Variants in GPBP1 observed in about 807,000 individuals in gnomAD.
GPBP1 encodes GC-rich promoter binding protein 1.
GPBP1 carries 13 observed loss-of-function variants against 56.5 expected under a neutral mutation model. The ratio of observed to expected loss-of-function variants is 0.23; its 90% CI spans 0.15 to 0.37. The LOEUF (loss-of-function observed/expected upper bound fraction) is 0.37. Among genes scored for constraint, GPBP1 ranks in the 10% least tolerant of loss-of-function variants. The pLI, the probability that GPBP1 is intolerant of heterozygous loss-of-function variation, is 1.00. For missense variants in GPBP1, 477 were observed against 572.3 expected, an observed-to-expected ratio of 0.83 and a Z score of 1.70; for synonymous variants, 204 against 188.9, an observed-to-expected ratio of 1.08 and a Z score of -0.66.
intron 10 of GPBP1, among the ~76,000 whole-genome samples, chr5:57,255,897 G>A (rs926714756): frequency 6.6e-6 from 1 of 152,276 alleles, no homozygotes; most frequent in East Asian, 1.9e-4. Context: ...GACAGAATTT[G>A]GTTCTCTGTG....
At chr5:57,185,159 G>A (rs1452663194) in intron 2 of GPBP1, among the ~76,000 whole-genome samples, 1 of 151,988 alleles carries the variant, frequency 6.6e-6, no homozygotes, top group African/African-American at 2.4e-5. Flanking sequence ...AGAACTGCCC[G>A]GGTCATGTGA....
chr5:57,231,869 G>GA (rs1561359468), intron 5 of GPBP1, among the ~76,000 whole-genome samples: 3 of 152,168 alleles, frequency 2.0e-5, no homozygotes, highest in Non-Finnish European at 4.4e-5. Context: ...ATTTTGTAGT[G>GA]AATTTAGACA....
chr5:57,217,566 T>C (rs996751122), intron 3 of GPBP1, among the ~76,000 whole-genome samples: 1 of 151,780 alleles, frequency 6.6e-6, no homozygotes, highest in African/African-American at 2.4e-5. Context: ...AGTGAAATAC[T>C]GTCTCAAAAC....
chr5:57,217,915 C>T (rs1755767976), intron 3 of GPBP1, among the ~76,000 whole-genome samples: 1 of 151,990 alleles, frequency 6.6e-6, no homozygotes. Context: ...TTAAAAATAT[C>T]TTTCTCATAA....
In GPBP1 at chr5:57,261,230, G is replaced by A. The variant is rs749941746; in HGVS notation, c.1211G>A (p.Cys404Tyr). Residue 404 changes from cysteine (C) to tyrosine (Y), a missense_variant, in exon 11 of 12, where the codon TGT becomes TAT. Physicochemically the swap from Cys to Tyr is radical, Grantham distance 194. Transcript: ENST00000506184. ...WQEDSENDET[C>Y]APLTEDEMRE... ...GAAGACAGTGAAAATGATGAAACAT[G>A]TGCTCCCTTAACTGAGGATGAAATG... 3.1e-6 allele frequency: 5 copies of A among 1,613,268 alleles called. No individual in the cohort carries two copies. Among genetic ancestry groups the A allele is most frequent in the Admixed American group, 1.7e-5 (1 of 60,014 alleles).
intron 2 of GPBP1, among the ~76,000 whole-genome samples, chr5:57,192,582 C>T (rs1016852933): frequency 1.3e-5 from 2 of 151,402 alleles, no homozygotes; most frequent in Admixed American, 6.6e-5. Flanking sequence ...GGAGAAACTC[C>T]GTCTCTACTA....
At chr5:57,235,191 C>T (rs1411931937) in intron 5 of GPBP1, among the ~76,000 whole-genome samples, 1 of 151,982 alleles carries the variant, frequency 6.6e-6, no homozygotes, top group Non-Finnish European at 1.5e-5. Context: ...CCTGTAATCC[C>T]AGCTACTTGG....
In GPBP1 at chr5:57,233,885, T is replaced by C. The variant is rs968622962; in HGVS notation, c.412-2081T>C. Among the ~76,000 whole-genome samples the C allele has an allele frequency of 4.6e-5, 7 of 152,336 alleles. No homozygotes were observed. In the East Asian group the frequency reaches 1.3e-3, roughly 29 times the overall value. On this transcript the variant is annotated intron_variant, in intron 5 of 11. Transcript: ENST00000506184. ...GGTTAAATTAGTAATACAATTAAAT[T>C]ACTTAAAACTGTGTGTGACACATAG...
intron 5 of GPBP1, among the ~76,000 whole-genome samples, chr5:57,233,995 AT>A (rs1756565396): frequency 6.6e-6 from 1 of 152,176 alleles, no homozygotes; most frequent in South Asian, 2.1e-4. Context: ...GGCTATTATA[AT>A]CCTAGACTTG....
chr5:57,177,023 C>G (rs1192499168), intron 2 of GPBP1, among the ~76,000 whole-genome samples: 1 of 151,988 alleles, frequency 6.6e-6, no homozygotes, highest in Non-Finnish European at 1.5e-5. Flanking sequence ...TATTTCTTTA[C>G]TTTCAAAAAA....
chr5:57,183,533 C>T (rs1002028233), intron 2 of GPBP1, among the ~76,000 whole-genome samples: 12 of 152,018 alleles, frequency 7.9e-5, no homozygotes, highest in Admixed American at 6.6e-4. Flanking sequence ...GTCCCAGCTA[C>T]TTGGGAGGCT....
chr5:57,236,930 TC>T, intron 6 of GPBP1: 1 of 567,414 alleles, frequency 1.8e-6, no homozygotes, highest in Non-Finnish European at 3.2e-6. Context: ...CTTTGCCACT[TC>T]CTGTGCTATA....
chr5:57,188,002 G>A (rs1472472129), intron 2 of GPBP1, among the ~76,000 whole-genome samples: 2 of 151,948 alleles, frequency 1.3e-5, no homozygotes, highest in African/African-American at 4.8e-5. Flanking sequence ...CAGCACTTTG[G>A]GAGGCTGAGG....
chr5:57,193,635 AACT>A (rs1274553595), intron 2 of GPBP1, among the ~76,000 whole-genome samples: 1 of 151,328 alleles, frequency 6.6e-6, no homozygotes, highest in Non-Finnish European at 1.5e-5. Flanking sequence ...AAAAAAAAAA[AACT>A]ATGAAAAGTA....
At chr5:57,213,118 A>T (rs967865887) in intron 2 of GPBP1, among the ~76,000 whole-genome samples, 1 of 151,582 alleles carries the variant, frequency 6.6e-6, no homozygotes, top group African/African-American at 2.4e-5. Context: ...CAGTGGCGTG[A>T]TCTTGGCTTA....
At chr5:57,181,547 G>A (rs1271564723) in intron 2 of GPBP1, among the ~76,000 whole-genome samples, 2 of 151,562 alleles carry the variant, frequency 1.3e-5, no homozygotes, top group African/African-American at 4.9e-5. Context: ...CCTGAGGCAC[G>A]AGGCTCACTG....
chr5:57,183,047 A>G (rs1754129096), intron 2 of GPBP1, among the ~76,000 whole-genome samples: 1 of 151,934 alleles, frequency 6.6e-6, no homozygotes, highest in South Asian at 2.1e-4. Context: ...TTTTTCCTAC[A>G]CTTTTCATGC....
At chr5:57,205,104 C>T (rs1245591771) in intron 2 of GPBP1, among the ~76,000 whole-genome samples, 1 of 152,138 alleles carries the variant, frequency 6.6e-6, no homozygotes. Flanking sequence ...AGCAGTCACC[C>T]GCATTCCACC....
At chr5:57,191,219 G>C (rs1475659526) in intron 2 of GPBP1, among the ~76,000 whole-genome samples, 6 of 151,974 alleles carry the variant, frequency 3.9e-5, no homozygotes, top group African/African-American at 1.5e-4. Flanking sequence ...CAAGTAGCTG[G>C]AATTAACAGG....
Sources: allele counts gnomAD v4.1 joint callset (sites outside exome capture counted in the v4.1 genomes callset), GRCh38; gene constraint gnomAD v4.1.1; transcripts MANE v1.5; gene names NCBI Gene and HGNC (gene_info 2026-07-23, HGNC 2026-07-21).